FBXO32: variants seen among roughly 807,000 people sequenced by gnomAD.
The protein encoded by FBXO32 is F-box protein 32.
In FBXO32, 15 loss-of-function variants were observed where a neutral mutation model predicts 48.3. The ratio of observed to expected loss-of-function variants is 0.31; its 90% CI spans 0.21 to 0.48. The LOEUF (loss-of-function observed/expected upper bound fraction) is 0.48, where lower values mean the gene tolerates loss of function less well. Among genes scored for constraint, FBXO32 ranks in the 20% least tolerant of loss-of-function variants. The probability of loss-of-function intolerance (pLI) is 0.99; values close to 1 mark genes in which losing one functional copy is unlikely to be tolerated. For synonymous variants in FBXO32, 154 were observed against 165.9 expected (o/e 0.93, Z 0.55); for missense variants, 309 against 432.7 (o/e 0.71, Z 2.54).
At chr8:123,503,732 G>A (rs1037727619) in intron 8 of FBXO32, among the ~76,000 whole-genome samples, 7 of 152,152 alleles carry the variant, frequency 4.6e-5, no homozygotes, top group Non-Finnish European at 7.3e-5. Flanking sequence ...TATGATAGAA[G>A]GAATAAGACC....
intron 6 of FBXO32, among the ~76,000 whole-genome samples, chr8:123,507,559 G>A (rs1215742412): frequency 2.0e-5 from 3 of 151,740 alleles, no homozygotes; most frequent in Non-Finnish European, 4.4e-5. Flanking sequence ...TATTTCAACC[G>A]AGGCCTCCGT....
intron 3 of FBXO32, among the ~76,000 whole-genome samples, chr8:123,532,544 C>T (rs540700677): frequency 5.6e-4 from 86 of 152,308 alleles, no homozygotes; most frequent in African/African-American, 2.1e-3. Context: ...AGTCCCAGCT[C>T]TGCTCTGAGT....
chr8:123,517,549 G>T (rs1816864905), intron 4 of FBXO32, among the ~76,000 whole-genome samples: 1 of 151,600 alleles, frequency 6.6e-6, no homozygotes, highest in South Asian at 2.1e-4. Flanking sequence ...AGAAGACCTG[G>T]ATTCTCTAGC....
intron 2 of FBXO32, 49 bp from the exon 3 acceptor site, chr8:123,533,289 A>G: frequency 7.1e-7 from 1 of 1,403,960 alleles, no homozygotes; most frequent in Non-Finnish European, 1.0e-6. Context: ...AACATGCTCA[A>G]GATTTAAGAC....
At chr8:123,503,520 C>T in intron 8 of FBXO32, 58 bp from the exon 9 acceptor site, 3 of 1,367,888 alleles carry the variant, frequency 2.2e-6, no homozygotes, top group Non-Finnish European at 3.1e-6. Context: ...TGGCTTTTAG[C>T]ACCATAAGGC....
In FBXO32 at chr8:123,531,939, T is replaced by A; in HGVS notation, c.331A>T (p.Thr111Ser). 6.2e-7 allele frequency: 1 copy of A among 1,614,126 alleles called. No individual in the cohort carries two copies. The highest frequency in any genetic ancestry group is 1.3e-5 in the African/African-American group (1 of 75,040). Residue 111 changes from threonine (T) to serine (S), a missense_variant, in exon 4 of 9, where the codon ACT becomes TCT. Physicochemically the swap from Thr to Ser is moderately conservative, Grantham distance 58. Transcript: ENST00000517956. Reference protein sequence around the residue: ...GEAFNRLDFSTAILDSRRFNY... With the variant: ...GEAFNRLDFSSAILDSRRFNY... ...AATCTTCTGGAATCCAGAATGGCAG[T>A]TGAGAAGTCCAGTCTGTTGAAAGCT...
intron 4 of FBXO32, among the ~76,000 whole-genome samples, chr8:123,519,941 C>T (rs936933037): frequency 3.3e-5 from 5 of 152,150 alleles, no homozygotes; most frequent in African/African-American, 1.2e-4. Flanking sequence ...GCACCCGCCA[C>T]CACACCTGGA....
At chr8:123,531,476 G>C (rs1027362549) in intron 4 of FBXO32, among the ~76,000 whole-genome samples, 1 of 152,232 alleles carries the variant, frequency 6.6e-6, no homozygotes, top group African/African-American at 2.4e-5. Context: ...AACAGTCAGA[G>C]ATACAGGGTT....
rs763427515 is a variant in FBXO32, at chr8:123,513,396, G to GA, written c.467-15dup. On this transcript the variant is annotated splice_polypyrimidine_tract_variant and intron_variant, in intron 5 of 8. Transcript: ENST00000517956. This position sits in a 1 kb window ranked among gnomAD's most constrained non-coding sequence, Gnocchi z 4.3. Reference sequence around the variant, plus strand: ...GGTCTTCAAGGACTTGAGTAGGGAAGAAAAAAATAATTAAAGTTATGATAC... The same window carrying GA: ...GGTCTTCAAGGACTTGAGTAGGGAAGAAAAAAAATAATTAAAGTTATGATAC... 253 of 1,604,840 alleles carry GA rather than the reference G, an allele frequency of 1.6e-4. No homozygotes were observed. The highest frequency in any genetic ancestry group is 2.0e-4 in the Non-Finnish European group (232 of 1,173,924).
rs138262783 is a variant in FBXO32, at chr8:123,525,520, G to A, written c.372+6378C>T. ...TTCTGGCATTAAGAACCTCTCCTGC[G>A]ATATAGCCTGTGTGCATGTGTGCAA... is the stretch of plus-strand genomic sequence containing the variant. On this transcript the variant is annotated intron_variant, in intron 4 of 8. Transcript: ENST00000517956. This position sits in a 1 kb window ranked among gnomAD's most constrained non-coding sequence, Gnocchi z 4.3. 2.0e-5 allele frequency among the ~76,000 whole-genome samples: 3 copies of A among 152,316 alleles called. No individual in the cohort carries two copies. The East Asian group carries it at 5.8e-4, about 29-fold the overall frequency.
intron 4 of FBXO32, among the ~76,000 whole-genome samples, chr8:123,523,532 G>A (rs1249754694): frequency 1.3e-5 from 2 of 152,130 alleles, no homozygotes; most frequent in African/African-American, 4.8e-5. Context: ...AGAGGTTGCA[G>A]TGAGCCAAGA....
chr8:123,515,196 A>G (rs1342665639), intron 4 of FBXO32, among the ~76,000 whole-genome samples: 1 of 152,214 alleles, frequency 6.6e-6, no homozygotes, highest in Non-Finnish European at 1.5e-5. Context: ...TAAAGCCCTC[A>G]GCAAGTACCT....
At chr8:123,517,936 A>C (rs1816872352) in intron 4 of FBXO32, among the ~76,000 whole-genome samples, 1 of 152,176 alleles carries the variant, frequency 6.6e-6, no homozygotes, top group Admixed American at 6.5e-5. Flanking sequence ...TTTTCTGCAA[A>C]GTGCCAAACA....
chr8:123,511,796 G>C (rs1434017913), intron 6 of FBXO32, among the ~76,000 whole-genome samples: 3 of 152,122 alleles, frequency 2.0e-5, no homozygotes, highest in African/African-American at 7.2e-5. Flanking sequence ...GTCTAAATGG[G>C]TGTTCTGAAG....
chr8:123,536,905 T>A (rs1817318714), intron 1 of FBXO32, among the ~76,000 whole-genome samples: 1 of 152,140 alleles, frequency 6.6e-6, no homozygotes, highest in African/African-American at 2.4e-5. Flanking sequence ...TAAGCCTGAG[T>A]GACTCATTTC....
chr8:123,502,105 A>T lies in FBXO32; in HGVS notation c.*1268T>A, dbSNP rs976570189. 1 of 152,000 alleles carries T rather than the reference A, an allele frequency of 6.6e-6. No individual in the cohort carries two copies. Among genetic ancestry groups the T allele is most frequent in the Admixed American group, 6.6e-5 (1 of 15,258 alleles). 9.4% of individuals were successfully genotyped at this position (152,000 alleles called of 1,614,324 possible). Reference sequence around the variant, plus strand: ...TGAACTTGTGGTACCTCTCCTCCCTATTTGGCTGGAACTCCAGCCTTGATT... The same window carrying T: ...TGAACTTGTGGTACCTCTCCTCCCTTTTTGGCTGGAACTCCAGCCTTGATT... On this transcript the variant is annotated 3_prime_UTR_variant, in exon 9 of 9. Coordinates refer to ENST00000517956, the MANE Select transcript of FBXO32 (RefSeq NM_058229.4).
chr8:123,519,655 T>A (rs1215338632), intron 4 of FBXO32, among the ~76,000 whole-genome samples: 1 of 151,996 alleles, frequency 6.6e-6, no homozygotes, highest in African/African-American at 2.4e-5. Flanking sequence ...TACCAGCACA[T>A]TTAGGATGAG....
rs74732842 is a variant in FBXO32, at chr8:123,525,711, C to G, written c.372+6187G>C. On this transcript the variant is annotated intron_variant, in intron 4 of 8. Transcript: ENST00000517956. The surrounding 1 kb of genome is among the most constrained non-coding windows in gnomAD (Gnocchi z 4.3). ...GCAACTTTGTGCAAATCACCCAGTT[C>G]CCTGGCCTCTGCTTCCTCACCTCTA... is the stretch of plus-strand genomic sequence containing the variant. 0.063 allele frequency among the ~76,000 whole-genome samples: 9,579 copies of G among 152,292 alleles called. 433 individuals are homozygous for G. Among genetic ancestry groups the G allele is most frequent in the African/African-American group, 0.12 (5,142 of 41,558 alleles).
intron 2 of FBXO32, among the ~76,000 whole-genome samples, 182 bp from the exon 3 acceptor site, chr8:123,533,422 G>T (rs764808195): frequency 1.1e-4 from 17 of 152,154 alleles, no homozygotes; most frequent in South Asian, 2.1e-4. Context: ...GCTATAAGTT[G>T]CTTTGTCTGA....
Sources: allele counts gnomAD v4.1 joint callset (sites outside exome capture counted in the v4.1 genomes callset), GRCh38; gene constraint gnomAD v4.1.1; non-coding constraint Gnocchi (gnomAD v3.1); transcripts MANE v1.5; gene names NCBI Gene and HGNC (gene_info 2026-07-23, HGNC 2026-07-21).